Variants in LETM1 observed in about 807,000 individuals in gnomAD.
The protein encoded by LETM1 is mitochondrial proton/calcium exchanger protein.
Under a neutral mutation model 74.5 loss-of-function variants are expected in LETM1, and 50 were observed. The observed-to-expected ratio is 0.67, with a 90% CI of 0.53 to 0.85. The LOEUF (loss-of-function observed/expected upper bound fraction) is 0.85. LETM1 is among the 40% of genes least tolerant of loss of function. The pLI, the probability that LETM1 is intolerant of heterozygous loss-of-function variation, is 0.00. For synonymous variants in LETM1, 446 were observed against 407.1 expected (o/e 1.10, Z -1.15); for missense variants, 824 against 967.8 (o/e 0.85, Z 1.97).
At chr4:1,838,084 C>T (rs151141688) in intron 3 of LETM1, among the ~76,000 whole-genome samples, 25 of 152,112 alleles carry the variant, frequency 1.6e-4, no homozygotes, top group African/African-American at 6.0e-4. Flanking sequence ...TTTCAGTGCA[C>T]AGGATTATCT....
chr4:1,838,437 G>C (rs1419139380), intron 3 of LETM1, among the ~76,000 whole-genome samples: 1 of 152,108 alleles, frequency 6.6e-6, no homozygotes, highest in Non-Finnish European at 1.5e-5. Flanking sequence ...AGCACTTTGG[G>C]AGGCCGAGGC....
At chr4:1,820,767 T>TA (rs1711747772) in intron 10 of LETM1, among the ~76,000 whole-genome samples, 1 of 152,206 alleles carries the variant, frequency 6.6e-6, no homozygotes, top group Non-Finnish European at 1.5e-5. Context: ...CTCAAGCCTG[T>TA]AAACCCAGCA....
chr4:1,830,150 G>A (rs772737718), intron 6 of LETM1, among the ~76,000 whole-genome samples: 2 of 152,180 alleles, frequency 1.3e-5, no homozygotes, highest in African/African-American at 2.4e-5. Flanking sequence ...TATAGCACAG[G>A]CTGTGGGGCT....
chr4:1,828,787 C>A (rs1419433543), intron 6 of LETM1, among the ~76,000 whole-genome samples: 3 of 143,286 alleles, frequency 2.1e-5, no homozygotes, highest in African/African-American at 7.8e-5. Flanking sequence ...ACCCCCCGGA[C>A]GGGGCGGCTG....
chr4:1,834,972 A>G lies in LETM1; in HGVS notation c.749T>C (p.Leu250Pro). ...FETQSLKEER[L>P]KKELRVKLEL... ...CAGCTTGACCCGAAGCTCCTTCTTC[A>G]GCCTCTCCTCCTGCAAGGGCAGAGA... The change falls in exon 5 of 14, where the codon CTG becomes CCG. Residue 250 changes from leucine to proline, a missense_variant. Transcript: ENST00000302787. This position sits in a 1 kb window ranked among gnomAD's most constrained non-coding sequence, Gnocchi z 5.0. 6.2e-7 allele frequency: 1 copy of G among 1,614,018 alleles called. No individual in the cohort carries two copies. Among genetic ancestry groups the G allele is most frequent in the Non-Finnish European group, 8.5e-7 (1 of 1,179,970 alleles).
At chr4:1,819,706 T>C (rs1335596515) in intron 10 of LETM1, among the ~76,000 whole-genome samples, 1 of 152,222 alleles carries the variant, frequency 6.6e-6, no homozygotes, top group Non-Finnish European at 1.5e-5. Flanking sequence ...GCGCGTCATC[T>C]ATGAATTGAC....
At position 1,841,526 on chromosome 4, in the gene LETM1, G is replaced by A. The variant is rs1255641794; in HGVS notation, c.415C>T (p.Pro139Ser). 1 of 1,614,048 alleles carries A rather than the reference G, an allele frequency of 6.2e-7. No homozygotes were observed. The highest frequency in any genetic ancestry group is 1.7e-5 in the Admixed American group (1 of 60,006). The change falls in exon 3 of 14, where the codon CCG becomes TCG. Residue 139 changes from proline (P) to serine (S), a missense_variant. Physicochemically the swap from Pro to Ser is moderately conservative, Grantham distance 74. Transcript: ENST00000302787. ...ACCTCTGCGGGGGGGCTGTACACCG[G>A]GCCGCCTTCCTCCAGCTTCTTGTTC... The part of the protein sequence containing the change: ...DKNKKLEEGG[P>S]VYSPPAEVVV...
chr4:1,848,404 C>T (rs951402937), intron 2 of LETM1, among the ~76,000 whole-genome samples: 2 of 151,848 alleles, frequency 1.3e-5, no homozygotes, highest in Non-Finnish European at 2.9e-5. Flanking sequence ...AAAAATTAGC[C>T]GGGCGTGGTG....
At chr4:1,821,404 T>TA (rs1244009765) in intron 10 of LETM1, among the ~76,000 whole-genome samples, 3 of 151,190 alleles carry the variant, frequency 2.0e-5, no homozygotes, top group East Asian at 4.1e-4. Flanking sequence ...ATTTTTTTTT[T>TA]ATGGCTGGGT....
intron 1 of LETM1, among the ~76,000 whole-genome samples, chr4:1,851,742 G>A (rs1444526382): frequency 6.6e-6 from 1 of 152,176 alleles, no homozygotes; most frequent in Non-Finnish European, 1.5e-5. Context: ...GGCACCTTCA[G>A]CCCCTCCACC....
At chr4:1,853,966 A>C (rs963948483) in intron 1 of LETM1, among the ~76,000 whole-genome samples, 1 of 152,232 alleles carries the variant, frequency 6.6e-6, no homozygotes, top group African/African-American at 2.4e-5. Context: ...ATCGCACATA[A>C]AAAGCTAATT....
chr4:1,828,796 T>A (rs1204378437), intron 6 of LETM1, among the ~76,000 whole-genome samples: 9 of 131,558 alleles, frequency 6.8e-5, no homozygotes, highest in Admixed American at 6.1e-4. Flanking sequence ...ACGGGGCGGC[T>A]GGCCGGGCAG....
At chr4:1,828,935 G>A (rs1430351949) in intron 6 of LETM1, among the ~76,000 whole-genome samples, 1 of 112,354 alleles carries the variant, frequency 8.9e-6, no homozygotes. Flanking sequence ...AGTAGGGGTG[G>A]CCGGGCAGAG....
At chr4:1,845,170 A>G (rs908540003) in intron 2 of LETM1, among the ~76,000 whole-genome samples, 2 of 152,160 alleles carry the variant, frequency 1.3e-5, no homozygotes, top group Non-Finnish European at 2.9e-5. Context: ...AGCCTGGGCG[A>G]TAGAGTGAGA....
At chr4:1,829,541 ACAG>A (rs1187582293) in intron 6 of LETM1, among the ~76,000 whole-genome samples, 1 of 152,242 alleles carries the variant, frequency 6.6e-6, no homozygotes, top group Non-Finnish European at 1.5e-5. Context: ...TTGGCCAGGA[ACAG>A]TGGCTCACGC....
intron 2 of LETM1, among the ~76,000 whole-genome samples, chr4:1,846,853 C>G (rs1403631708): frequency 1.3e-5 from 2 of 152,110 alleles, no homozygotes; most frequent in Non-Finnish European, 2.9e-5. Context: ...AAGATCACAG[C>G]CATAAACTAA....
intron 4 of LETM1, among the ~76,000 whole-genome samples, chr4:1,835,500 C>T (rs1313926548): frequency 6.6e-6 from 1 of 151,970 alleles, no homozygotes; most frequent in African/African-American, 2.4e-5. Context: ...CAAACAAACT[C>T]GTGTGATTCC....
intron 10 of LETM1, among the ~76,000 whole-genome samples, chr4:1,821,972 C>T (rs1711794249): frequency 6.6e-6 from 1 of 152,222 alleles, no homozygotes; most frequent in African/African-American, 2.4e-5. Context: ...CACCCAGGCA[C>T]AGTGCGGAGC....
intron 7 of LETM1, among the ~76,000 whole-genome samples, chr4:1,824,369 G>C (rs1711906290): frequency 1.3e-5 from 2 of 152,206 alleles, no homozygotes; most frequent in South Asian, 4.1e-4. Context: ...GGCCCGCAGA[G>C]GCAGTGTCAC....
Sources: allele counts gnomAD v4.1 joint callset (sites outside exome capture counted in the v4.1 genomes callset), GRCh38; gene constraint gnomAD v4.1.1; non-coding constraint Gnocchi (gnomAD v3.1); transcripts MANE v1.5; gene names NCBI Gene and HGNC (gene_info 2026-07-23, HGNC 2026-07-21).